Variants in IMPDH1 observed in about 807,000 individuals in gnomAD.
The protein encoded by IMPDH1 is inosine monophosphate dehydrogenase 1.
In IMPDH1, 41 loss-of-function variants were observed where a neutral mutation model predicts 73.5. The ratio of observed to expected loss-of-function variants is 0.56; its 90% CI spans 0.43 to 0.72. IMPDH1 has a LOEUF of 0.72. Ranked by LOEUF, IMPDH1 falls within the 30% of genes least tolerant of loss-of-function variation. IMPDH1 has a pLI of 0.00. For missense variants in IMPDH1, 645 were observed against 824.8 expected (o/e 0.78, Z 2.67); for synonymous variants, 318 against 334.3 (o/e 0.95, Z 0.53).
In IMPDH1 at chr7:128,394,645, G is replaced by A; in HGVS notation, c.1551-46C>T. 1 of 1,609,064 alleles carries A rather than the reference G, an allele frequency of 6.2e-7. No individual in the cohort carries two copies. The highest frequency in any genetic ancestry group is 8.5e-7 in the Non-Finnish European group (1 of 1,178,566). On this transcript the variant is annotated intron_variant, in intron 14 of 16. Coordinates refer to ENST00000338791, the MANE Select transcript of IMPDH1 (RefSeq NM_000883.4). The surrounding 1 kb of genome is among the most constrained non-coding windows in gnomAD (Gnocchi z 5.5). ...TGAGCCCAGCAGCTTGAAGCTCAGA[G>A]GACCCCACCCCACCTCTTAAGGGCA... is the stretch of plus-strand genomic sequence containing the variant.
At chr7:128,403,121 G>C (rs1391273908) in intron 5 of IMPDH1, among the ~76,000 whole-genome samples, 1 of 152,032 alleles carries the variant, frequency 6.6e-6, no homozygotes, top group Non-Finnish European at 1.5e-5. Flanking sequence ...TTCTGAACCT[G>C]CCCACAGGCT....
At chr7:128,409,697 C>G in intron 1 of IMPDH1, 59 bp downstream of exon 1, 6 of 1,523,962 alleles carry the variant, frequency 3.9e-6, no homozygotes, top group Non-Finnish European at 5.3e-6. Flanking sequence ...CCGGAGCCGC[C>G]GCGCCCTCCT....
intron 9 of IMPDH1, 119 bp downstream of exon 9, chr7:128,399,976 C>T (rs1584732841): frequency 4.7e-6 from 4 of 853,906 alleles, no homozygotes; most frequent in Non-Finnish European, 8.0e-6. Context: ...TGAGGTTATT[C>T]GAACCTTCCC....
Position 128,398,358 on chromosome 7 carries a change from C to G in IMPDH1, c.1074+56G>C, listed in dbSNP as rs1798074000. ...GAGGTGAACCTGGGTCCTCATAAACCTCCACTCTGCTGAACCACTCATCCA... is the reference window on the plus strand; with the variant it reads ...GAGGTGAACCTGGGTCCTCATAAACGTCCACTCTGCTGAACCACTCATCCA... On this transcript the variant is annotated intron_variant, in intron 10 of 16. Transcript: ENST00000338791. The surrounding 1 kb of genome is among the most constrained non-coding windows in gnomAD (Gnocchi z 4.3). The G allele has an allele frequency of 6.9e-7, 1 of 1,458,444 alleles. No individual in the cohort carries two copies. The highest frequency in any genetic ancestry group is 1.4e-5 in the African/African-American group (1 of 71,874). The allele number at this position is 1,458,444 out of a possible 1,614,324, so 90.3% of individuals were successfully genotyped here.
At chr7:128,403,870 T>G in intron 4 of IMPDH1, 116 bp from the exon 5 acceptor site, 2 of 878,012 alleles carry the variant, frequency 2.3e-6, no homozygotes, top group Non-Finnish European at 1.9e-6. Context: ...GAGCAGAGGC[T>G]ACAGCCCCCC....
At position 128,409,370 on chromosome 7, in the gene IMPDH1, A is replaced by C; in HGVS notation, c.191-18T>G. 1.2e-6 allele frequency: 2 copies of C among 1,614,204 alleles called. No homozygotes were observed. Among genetic ancestry groups the C allele is most frequent in the Non-Finnish European group, 1.7e-6 (2 of 1,180,022 alleles). Reference sequence around the variant, plus strand: ...AGATAGTTCTAGGAGGAAACAGCTAAGGAGGGGTAAGCCAAGTCAGTCGGA... The same window carrying C: ...AGATAGTTCTAGGAGGAAACAGCTACGGAGGGGTAAGCCAAGTCAGTCGGA... On this transcript the variant is annotated intron_variant, in intron 2 of 16. Transcript: ENST00000338791.
intron 10 of IMPDH1, 126 bp from the exon 11 acceptor site, chr7:128,397,148 GTTGTTT>G (rs1797978263): frequency 5.2e-6 from 3 of 574,686 alleles, no homozygotes; most frequent in Non-Finnish European, 6.0e-6. Context: ...TTTCCTTCTG[GTTGTTT>G]TTTTTTTTTT....
intron 1 of IMPDH1, 116 bp from the exon 2 acceptor site, chr7:128,409,600 C>T (rs1346964041): frequency 2.2e-5 from 33 of 1,520,818 alleles, no homozygotes; most frequent in Non-Finnish European, 2.8e-5. Context: ...AAGCCGGGAG[C>T]GTGGCGTTTC....
In IMPDH1 at chr7:128,403,769, A is replaced by T. The variant is rs1798506598; in HGVS notation, c.354-15T>A. 6.2e-7 allele frequency: 1 copy of T among 1,613,068 alleles called. No homozygotes were observed. Among genetic ancestry groups the T allele is most frequent in the Admixed American group, 1.7e-5 (1 of 60,010 alleles). Reference sequence around the variant, plus strand: ...TCAGGAAGTCGCTGTGAAGACAGAGAAGTGAGTGTTATTAGTGGGGAGGGG... The same window carrying T: ...TCAGGAAGTCGCTGTGAAGACAGAGTAGTGAGTGTTATTAGTGGGGAGGGG... On this transcript the variant is annotated splice_polypyrimidine_tract_variant and intron_variant, in intron 4 of 16. Coordinates refer to ENST00000338791, the MANE Select transcript of IMPDH1 (RefSeq NM_000883.4).
chr7:128,409,975 G>A lies in IMPDH1; in HGVS notation c.-74C>T, dbSNP rs1799038925. 6.4e-6 allele frequency: 8 copies of A among 1,256,292 alleles called. No individual in the cohort carries two copies. Among genetic ancestry groups the A allele is most frequent in the Non-Finnish European group, 8.1e-6 (8 of 992,292 alleles). The allele number at this position is 1,256,292 out of a possible 1,614,324, so 77.8% of individuals were successfully genotyped here. On this transcript the variant is annotated 5_prime_UTR_variant, in exon 1 of 17. Coordinates refer to ENST00000338791, the MANE Select transcript of IMPDH1 (RefSeq NM_000883.4). ...CCCGGCTGGGCAGTGAGCGCAGCCCGGTCGAGTCCCGAGGAGGGGCGGGGC... is the reference window on the plus strand; with the variant it reads ...CCCGGCTGGGCAGTGAGCGCAGCCCAGTCGAGTCCCGAGGAGGGGCGGGGC...
Position 128,409,885 on chromosome 7 carries a change from G to A in IMPDH1, c.17C>T (p.Thr6Ile), listed in dbSNP as rs1799031662. 2.1e-6 allele frequency: 3 copies of A among 1,456,982 alleles called. No homozygotes were observed. The highest frequency in any genetic ancestry group is 2.7e-6 in the Non-Finnish European group (3 of 1,109,494). 90.3% of individuals were successfully genotyped at this position (1,456,982 alleles called of 1,614,324 possible). A position where few individuals can be genotyped will look rare whatever the true frequency, so the allele number is the denominator to read the frequency against. Residue 6 changes from threonine to isoleucine, a missense_variant, in exon 1 of 17, where the codon ACT becomes ATT. Physicochemically the swap from Thr to Ile is moderately conservative, Grantham distance 89. This residue lies in a region of IMPDH1 where 186 missense variants were observed against 186.6 expected (regional missense o/e 1.00). Coordinates refer to ENST00000338791, the MANE Select transcript of IMPDH1 (RefSeq NM_000883.4). MEGPL[T>I]PPPLQGGGAA... Reference sequence around the variant, plus strand: ...TCCGCCTCCCTGCAGCGGTGGTGGAGTGAGTGGCCCCTCCATGCGGAGGCC... The same window carrying A: ...TCCGCCTCCCTGCAGCGGTGGTGGAATGAGTGGCCCCTCCATGCGGAGGCC...
intron 12 of IMPDH1, among the ~76,000 whole-genome samples, 153 bp from the exon 13 acceptor site, chr7:128,395,427 G>A (rs540377254): frequency 6.6e-6 from 1 of 152,174 alleles, no homozygotes; most frequent in African/African-American, 2.4e-5. Context: ...CATAGGTGCT[G>A]GCAAATACCA....
chr7:128,402,408 G>GA (rs1403101158), intron 5 of IMPDH1, among the ~76,000 whole-genome samples: 3 of 152,176 alleles, frequency 2.0e-5, no homozygotes, highest in African/African-American at 7.2e-5. Context: ...CAGCTGGTAG[G>GA]GGTCTTTTCA....
At chr7:128,401,536 G>T (rs1225272380) in intron 5 of IMPDH1, among the ~76,000 whole-genome samples, 1 of 152,192 alleles carries the variant, frequency 6.6e-6, no homozygotes, top group African/African-American at 2.4e-5. Context: ...AAGGCCAGGG[G>T]AGTGGAGGGA....
rs750052171 is a variant in IMPDH1, at chr7:128,394,921, C to T, written c.1518G>A (p.Glu506=). 6 of 1,612,922 alleles carry T rather than the reference C, an allele frequency of 3.7e-6. No individual in the cohort carries two copies. Among genetic ancestry groups the T allele is most frequent in the Non-Finnish European group, 5.1e-6 (6 of 1,180,030 alleles). Residue 506 remains glutamate, a synonymous_variant, in exon 14 of 17, where the codon GAG becomes GAA. Coordinates refer to ENST00000338791, the MANE Select transcript of IMPDH1 (RefSeq NM_000883.4). The surrounding 1 kb of genome is among the most constrained non-coding windows in gnomAD (Gnocchi z 5.5). The part of the protein sequence containing the change: ...YRGMGSLDAM[E]KSSSSQKRYF... The stretch of plus-strand genomic sequence containing the variant: ...ATCGTTTCTGGCTGCTGCTGCTCTT[C>T]TCCATGGCATCCAGTGAGCCCATGC...
In IMPDH1 at chr7:128,403,726, C is replaced by G. The variant is rs1239309977; in HGVS notation, c.382G>C (p.Asp128His). ...NDFLILPGFI[D>H]FIADEVDLTS... ...CTCACCACCTCATCAGCTATGAAGT[C>G]TATGAATCCTGGGAGAATCAGGAAG... Residue 128 changes from aspartate (D) to histidine (H), a missense_variant, in exon 5 of 17, where the codon GAC becomes CAC. Physicochemically the swap from Asp to His is moderately conservative, Grantham distance 81 (BLOSUM62 -1). This residue lies in a region of IMPDH1 where 186 missense variants were observed against 186.6 expected (regional missense o/e 1.00). Transcript: ENST00000338791. The G allele has an allele frequency of 2.5e-6, 4 of 1,614,056 alleles. No individual in the cohort carries two copies. The highest frequency in any genetic ancestry group is 3.4e-6 in the Non-Finnish European group (4 of 1,179,916).
chr7:128,394,627 A>T lies in IMPDH1; in HGVS notation c.1551-28T>A. On this transcript the variant is annotated intron_variant, in intron 14 of 16. Transcript: ENST00000338791. This position sits in a 1 kb window ranked among gnomAD's most constrained non-coding sequence, Gnocchi z 5.5. ...GCGTGGAGGGTGGAAGACTGAGCCC[A>T]GCAGCTTGAAGCTCAGAGGACCCCA... is the stretch of plus-strand genomic sequence containing the variant. 2 of 1,612,016 alleles carry T rather than the reference A, an allele frequency of 1.2e-6. No individual in the cohort carries two copies. Among genetic ancestry groups the T allele is most frequent in the Non-Finnish European group, 8.5e-7 (1 of 1,179,840 alleles).
intron 3 of IMPDH1, among the ~76,000 whole-genome samples, chr7:128,408,711 C>T (rs1002307801): frequency 2.0e-5 from 3 of 152,206 alleles, no homozygotes; most frequent in Non-Finnish European, 4.4e-5. Flanking sequence ...CTGCCTCTGT[C>T]AAGCCCCAAC....
At chr7:128,393,065 T>G in intron 16 of IMPDH1, 37 bp from the exon 17 acceptor site, 1 of 1,612,316 alleles carries the variant, frequency 6.2e-7, no homozygotes, top group South Asian at 1.1e-5. Context: ...CAAGAGTGGG[T>G]GTGTGGACCC....
Sources: gnomAD v4.1 joint callset for allele counts (sites outside exome capture counted in the v4.1 genomes callset) on GRCh38, gnomAD v4.1.1 for gene constraint, gnomAD v4.1.1 regional missense constraint, Gnocchi (gnomAD v3.1) non-coding constraint, MANE v1.5 for transcripts, NCBI Gene and HGNC (gene_info 2026-07-23, HGNC 2026-07-21) for gene names.